The following ELF3 variants were observed in gnomAD, a reference collection of about 807,000 sequenced individuals.
The protein encoded by ELF3 is ETS-related transcription factor Elf-3.
A neutral mutation model predicts 43.9 loss-of-function variants in ELF3; 18 were observed. That is an observed-to-expected ratio of 0.41 (90% CI 0.28 to 0.61). The LOEUF (loss-of-function observed/expected upper bound fraction) is 0.61, where lower values mean the gene tolerates loss of function less well. Ranked by LOEUF, ELF3 falls within the 20% of genes least tolerant of loss-of-function variation. The probability of loss-of-function intolerance (pLI) is 0.30; values close to 1 mark genes in which losing one functional copy is unlikely to be tolerated. For missense variants in ELF3, 373 were observed against 487.7 expected, an observed-to-expected ratio of 0.76 and a Z score of 2.21; for synonymous variants, 181 against 190.2, an observed-to-expected ratio of 0.95 and a Z score of 0.40.
In ELF3 at chr1:202,016,917, T is replaced by C. The variant is rs1405560174; in HGVS notation, c.*1594T>C. The C allele has an allele frequency of 1.3e-5, 2 of 152,244 alleles. No homozygotes were observed. The highest frequency in any genetic ancestry group is 4.8e-5 in the African/African-American group (2 of 41,462). The allele number at this position is 152,244 out of a possible 1,614,324, so 9.4% of individuals were successfully genotyped here. A position where few individuals can be genotyped will look rare whatever the true frequency, so the allele number is the denominator to read the frequency against. The stretch of plus-strand genomic sequence containing the variant: ...CGTTTCCCGGAAGCTTTTCCTGGTG[T>C]GGGCGCTTCTAACCTAATCCTCAAT... On this transcript the variant is annotated 3_prime_UTR_variant, in exon 9 of 9. Transcript: ENST00000367284.
intron 8 of ELF3, among the ~76,000 whole-genome samples, chr1:202,014,661 GC>G (rs1273804766): frequency 6.6e-5 from 10 of 152,042 alleles, no homozygotes; most frequent in Non-Finnish European, 2.9e-5. Context: ...AGGCTAGAGT[GC>G]AGTGGCACAA....
chr1:202,012,955 G>A lies in ELF3; in HGVS notation c.607G>A (p.Ala203Thr), dbSNP rs1684239014. The A allele has an allele frequency of 3.7e-6, 6 of 1,611,688 alleles. No homozygotes were observed. The highest frequency in any genetic ancestry group is 5.1e-6 in the Non-Finnish European group (6 of 1,178,772). The change falls in exon 6 of 9, where the codon GCT (alanine) becomes ACT (threonine). Residue 203 changes from alanine to threonine, a missense_variant. Physicochemically the swap from Ala to Thr is moderately conservative, Grantham distance 58 (BLOSUM62 0). Coordinates refer to ENST00000367284, the MANE Select transcript of ELF3 (RefSeq NM_004433.5). This position sits in a 1 kb window ranked among gnomAD's most constrained non-coding sequence, Gnocchi z 4.2. ...CTGACCCCGCCCCCCAGGGACTGGTGCTTCTCGGAGCTCCCACTCCTCAGA... is the reference window on the plus strand; with the variant it reads ...CTGACCCCGCCCCCCAGGGACTGGTACTTCTCGGAGCTCCCACTCCTCAGA... ...SSDVSTAGTGASRSSHSSDSG... is the reference protein window; with the variant it reads ...SSDVSTAGTGTSRSSHSSDSG...
At position 202,013,719 on chromosome 1, in the gene ELF3, C is replaced by G; in HGVS notation, c.806-110C>G. ...GGGCACTGCGGGGTCTCTGGAGAGG[C>G]TTGCTGCATGCTGTGGCCAAGTCAG... On this transcript the variant is annotated intron_variant, in intron 7 of 8. Transcript: ENST00000367284. The surrounding 1 kb of genome is among the most constrained non-coding windows in gnomAD (Gnocchi z 5.7). 1 of 1,248,394 alleles carries G rather than the reference C, an allele frequency of 8.0e-7. No individual in the cohort carries two copies. The highest frequency in any genetic ancestry group is 1.1e-6 in the Non-Finnish European group (1 of 906,004). The allele number at this position is 1,248,394 out of a possible 1,614,324, so 77.3% of individuals were successfully genotyped here. A position where few individuals can be genotyped will look rare whatever the true frequency, so the allele number is the denominator to read the frequency against.
Position 202,011,251 on chromosome 1 carries a change from G to A in ELF3, c.115G>A (p.Asp39Asn), listed in dbSNP as rs1194149105. Residue 39 changes from aspartate (D) to asparagine (N), a missense_variant, in exon 2 of 9, where the codon GAC (aspartate) becomes AAC (asparagine). Physicochemically the swap from Asp to Asn is conservative, Grantham distance 23. Coordinates refer to ENST00000367284, the MANE Select transcript of ELF3 (RefSeq NM_004433.5). ...VPPAATFGAD[D>N]LVLTLSNPQM... ...CCCTGCTGCCACCTTTGGGGCCGAT[G>A]ACTTGGTACTGACCCTGAGCAACCC... is the stretch of plus-strand genomic sequence containing the variant. 4 of 1,612,176 alleles carry A rather than the reference G, an allele frequency of 2.5e-6. No individual in the cohort carries two copies. Among genetic ancestry groups the A allele is most frequent in the East Asian group, 4.5e-5 (2 of 44,806 alleles).
rs1329833753 is a variant in ELF3, at chr1:202,015,840, T to G, written c.*517T>G. 6.2e-6 allele frequency: 1 copy of G among 160,502 alleles called. No homozygotes were observed. The allele number at this position is 160,502 out of a possible 1,614,324, so 9.9% of individuals were successfully genotyped here. On this transcript the variant is annotated 3_prime_UTR_variant, in exon 9 of 9. Transcript: ENST00000367284. ...TATGTCAGATGTACATAGAGATCTA[T>G]TTTTTCTAAAACATTCCCCTCCCCA...
intron 2 of ELF3, chr1:202,011,717 C>CTAAATACTAAATAAATACT: frequency 3.7e-6 from 2 of 538,886 alleles, no homozygotes; most frequent in Non-Finnish European, 3.3e-6. Flanking sequence ...ACTAAAAATA[C>CTAAATACTAAATAAATACT]AAAAAAAAAT....
Position 202,011,223 on chromosome 1 carries a change from T to C in ELF3, c.87T>C (p.Val29=). 6.2e-7 allele frequency: 1 copy of C among 1,613,648 alleles called. No individual in the cohort carries two copies. The highest frequency in any genetic ancestry group is 8.5e-7 in the Non-Finnish European group (1 of 1,179,796). Residue 29 remains valine (V), a synonymous_variant, in exon 2 of 9, where the codon GTT becomes GTC. Coordinates refer to ENST00000367284, the MANE Select transcript of ELF3 (RefSeq NM_004433.5). ...YSSEDSTLAS[V]PPAATFGADD... ...CGGAGGACTCCACCCTGGCCTCTGT[T>C]CCCCCTGCTGCCACCTTTGGGGCCG...
chr1:202,011,869 C>A, intron 2 of ELF3, 88 bp from the exon 3 acceptor site: 2 of 1,275,524 alleles, frequency 1.6e-6, no homozygotes, highest in Non-Finnish European at 1.1e-6. Flanking sequence ...AGGAGTGAGA[C>A]TCCATCTCAA....
intron 8 of ELF3, among the ~76,000 whole-genome samples, chr1:202,014,521 G>A (rs1473575601): frequency 6.6e-6 from 1 of 152,116 alleles, no homozygotes; most frequent in East Asian, 1.9e-4. Context: ...TCAAACTCCT[G>A]GCCTCAAATG....
chr1:202,010,924 G>A lies in ELF3; in HGVS notation c.-8-205G>A, dbSNP rs1684178509. The A allele has an allele frequency of 1.1e-5, 6 of 564,208 alleles. No individual in the cohort carries two copies. The South Asian group carries it at 1.3e-4, about 12-fold the overall frequency. 35.0% of individuals were successfully genotyped at this position (564,208 alleles called of 1,614,324 possible). A position where few individuals can be genotyped will look rare whatever the true frequency, so the allele number is the denominator to read the frequency against. ...TCCAGGGCCCCAGAGATCTGAGGAG[G>A]GAAGCCCAGCTGGAGGCTCCTGTGG... On this transcript the variant is annotated intron_variant, in intron 1 of 8. Coordinates refer to ENST00000367284, the MANE Select transcript of ELF3 (RefSeq NM_004433.5). This position sits in a 1 kb window ranked among gnomAD's most constrained non-coding sequence, Gnocchi z 4.3.
At chr1:202,014,350 A>C (rs1175927567) in intron 8 of ELF3, among the ~76,000 whole-genome samples, 1 of 152,230 alleles carries the variant, frequency 6.6e-6, no homozygotes, top group Non-Finnish European at 1.5e-5. Flanking sequence ...TCCTCGTTGA[A>C]GCACTTAGGT....
Position 202,012,540 on chromosome 1 carries a change from A to G in ELF3, c.479-100A>G. 3 of 1,554,360 alleles carry G rather than the reference A, an allele frequency of 1.9e-6. No individual in the cohort carries two copies. The highest frequency in any genetic ancestry group is 2.6e-6 in the Non-Finnish European group (3 of 1,151,106). On this transcript the variant is annotated intron_variant, in intron 4 of 8. Transcript: ENST00000367284. This position sits in a 1 kb window ranked among gnomAD's most constrained non-coding sequence, Gnocchi z 4.2. ...CCCTCCCCAGACTTCTTCCTCCCTC[A>G]ATTAGAAAAATTGCAGCAGGTCATC...
In ELF3 at chr1:202,016,357, G is replaced by A. The variant is rs1684309685; in HGVS notation, c.*1034G>A. On this transcript the variant is annotated 3_prime_UTR_variant, in exon 9 of 9. Transcript: ENST00000367284. Reference sequence around the variant, plus strand: ...TGTTTAGGACTGATTTTTCCTATTAGGCTAGGGTTTGGACCTGATGTTCTC... The same window carrying A: ...TGTTTAGGACTGATTTTTCCTATTAAGCTAGGGTTTGGACCTGATGTTCTC... 6.6e-6 allele frequency: 1 copy of A among 152,170 alleles called. No individual in the cohort carries two copies. The highest frequency in any genetic ancestry group is 2.4e-5 in the African/African-American group (1 of 41,426). 9.4% of individuals were successfully genotyped at this position (152,170 alleles called of 1,614,324 possible).
At chr1:202,011,789 A>G in intron 2 of ELF3, 168 bp from the exon 3 acceptor site, 4 of 649,936 alleles carry the variant, frequency 6.2e-6, no homozygotes, top group Middle Eastern at 4.3e-4. Flanking sequence ...ACGCAGGAGT[A>G]TCGCTTGAAC....
Position 202,011,300 on chromosome 1 carries a change from G to A in ELF3, c.163+1G>A, listed in dbSNP as rs1202654721. ...CCCCAGATGTCATTGGAGGGTACAG[G>A]TGGGTCTCAGCGGGGTGGGATGGGG... On this transcript the variant is annotated splice_donor_variant, in intron 2 of 8. Coordinates refer to ENST00000367284, the MANE Select transcript of ELF3 (RefSeq NM_004433.5). LOFTEE classifies it high-confidence loss of function. 1.3e-6 allele frequency: 2 copies of A among 1,571,760 alleles called. No individual in the cohort carries two copies. Among genetic ancestry groups the A allele is most frequent in the Non-Finnish European group, 1.7e-6 (2 of 1,157,048 alleles).
chr1:202,011,902 G>T, intron 2 of ELF3, 55 bp from the exon 3 acceptor site: 1 of 1,531,876 alleles, frequency 6.5e-7, no homozygotes. Context: ...AAATGGGGCT[G>T]TAAGGTCTGC....
chr1:202,011,636 C>T, intron 2 of ELF3: 1 of 455,920 alleles, frequency 2.2e-6, no homozygotes, highest in Non-Finnish European at 3.9e-6. Flanking sequence ...CTTTGGGAGG[C>T]TGAGCTGAGC....
rs546127023 is a variant in ELF3 at position 202,011,664 on chromosome 1, G to C, written c.164-293G>C. 7.2e-5 allele frequency: 34 copies of C among 474,022 alleles called. 1 individual carries two copies. The South Asian group carries it at 8.1e-4, about 11-fold the overall frequency. 29.4% of individuals were successfully genotyped at this position (474,022 alleles called of 1,614,324 possible). ...AGCTGAGCGGATCACCTGAGGTCAA[G>C]AGTTCGAGACCAGCCTAGCCAACAT... On this transcript the variant is annotated intron_variant, in intron 2 of 8. Coordinates refer to ENST00000367284, the MANE Select transcript of ELF3 (RefSeq NM_004433.5).
chr1:202,012,302 G>T lies in ELF3; in HGVS notation c.386-42G>T, dbSNP rs1322227994. 1 of 1,611,388 alleles carries T rather than the reference G, an allele frequency of 6.2e-7. No individual in the cohort carries two copies. Among genetic ancestry groups the T allele is most frequent in the East Asian group, 2.2e-5 (1 of 44,838 alleles). The stretch of plus-strand genomic sequence containing the variant: ...GCACAGCCAGAGAGAGCCCTTGAGG[G>T]AGGGATTAGGGGAGTGTGACCCTTC... On this transcript the variant is annotated intron_variant, in intron 3 of 8. Transcript: ENST00000367284. This position sits in a 1 kb window ranked among gnomAD's most constrained non-coding sequence, Gnocchi z 4.2.
Sources: allele counts gnomAD v4.1 joint callset (sites outside exome capture counted in the v4.1 genomes callset), GRCh38; gene constraint gnomAD v4.1.1; non-coding constraint Gnocchi (gnomAD v3.1); transcripts MANE v1.5; gene names NCBI Gene and HGNC (gene_info 2026-07-23, HGNC 2026-07-21).